TUFM: variants seen among roughly 807,000 people sequenced by gnomAD.
TUFM encodes Tu translation elongation factor, mitochondrial.
TUFM carries 23 observed loss-of-function variants against 45.0 expected under a neutral mutation model. The observed-to-expected ratio is 0.51, with a 90% CI of 0.37 to 0.72. The LOEUF is 0.72. TUFM is among the 30% of genes least tolerant of loss of function. The probability of loss-of-function intolerance (pLI) is 0.00; values close to 1 mark genes in which losing one functional copy is unlikely to be tolerated. For missense variants in TUFM, 490 were observed against 610.7 expected (o/e 0.80, Z 2.08); for synonymous variants, 243 against 252.9 (o/e 0.96, Z 0.37).
Position 28,845,456 on chromosome 16 carries a change from T to A in TUFM, c.272A>T (p.Lys91Met). 1 of 1,614,142 alleles carries A rather than the reference T, an allele frequency of 6.2e-7. No homozygotes were observed. Among genetic ancestry groups the A allele is most frequent in the Non-Finnish European group, 8.5e-7 (1 of 1,180,038 alleles). Residue 91 changes from lysine to methionine, a missense_variant, in exon 3 of 10, where the codon AAG becomes ATG. Lys to Met is a moderately conservative substitution (Grantham distance 95). Transcript: ENST00000313511. ...TKILAEGGGA[K>M]FKKYEEIDNA... ...GTCAATCTCCTCGTACTTCTTGAAC[T>A]TAGCCCCACCTCCCTCAGCTAGAAC...
At position 28,842,653 on chromosome 16, in the gene TUFM, C is replaced by T; in HGVS notation, c.*322G>A. On this transcript the variant is annotated 3_prime_UTR_variant, in exon 10 of 10. Coordinates refer to ENST00000313511, the MANE Select transcript of TUFM (RefSeq NM_003321.5). ...GCATCCTACTGTGTCTAGGCAATCACTAAGCTCACTGGACTTGATTTATCC... is the reference window on the plus strand; with the variant it reads ...GCATCCTACTGTGTCTAGGCAATCATTAAGCTCACTGGACTTGATTTATCC... The T allele has an allele frequency of 2.5e-6, 1 of 403,506 alleles. No individual in the cohort carries two copies. Among genetic ancestry groups the T allele is most frequent in the South Asian group, 2.2e-5 (1 of 45,606 alleles). 25.0% of individuals were successfully genotyped at this position (403,506 alleles called of 1,614,324 possible). A position where few individuals can be genotyped will look rare whatever the true frequency, so the allele number is the denominator to read the frequency against.
In TUFM at chr16:28,846,332, G is replaced by A. The variant is rs1453797469; in HGVS notation, c.-63C>T. 8 of 1,516,938 alleles carry A rather than the reference G, an allele frequency of 5.3e-6. No homozygotes were observed. The highest frequency in any genetic ancestry group is 4.9e-5 in the East Asian group (2 of 40,452). The allele number at this position is 1,516,938 out of a possible 1,614,324, so 94.0% of individuals were successfully genotyped here. A position where few individuals can be genotyped will look rare whatever the true frequency, so the allele number is the denominator to read the frequency against. On this transcript the variant is annotated 5_prime_UTR_variant, in exon 1 of 10. Coordinates refer to ENST00000313511, the MANE Select transcript of TUFM (RefSeq NM_003321.5). ...CCCGAGCGCACAGAAGAAGAAGGGC[G>A]CCTGCGGCTGGAAGGCACTTCCGGC...
At position 28,842,475 on chromosome 16, in the gene TUFM, T is replaced by C. The variant is rs1961827451; in HGVS notation, c.*500A>G. 4.6e-6 allele frequency: 1 copy of C among 218,510 alleles called. No homozygotes were observed. Among genetic ancestry groups the C allele is most frequent in the Non-Finnish European group, 9.3e-6 (1 of 107,706 alleles). The allele number at this position is 218,510 out of a possible 1,614,324, so 13.5% of individuals were successfully genotyped here. A position where few individuals can be genotyped will look rare whatever the true frequency, so the allele number is the denominator to read the frequency against. ...ACCTACAGCATCTGAGGTATGCCTG[T>C]CCAGTCCCTGTTCCCACAGAATGTG... is the stretch of plus-strand genomic sequence containing the variant. On this transcript the variant is annotated 3_prime_UTR_variant, in exon 10 of 10. Coordinates refer to ENST00000313511, the MANE Select transcript of TUFM (RefSeq NM_003321.5).
At position 28,844,550 on chromosome 16, in the gene TUFM, C is replaced by T. The variant is rs550562776; in HGVS notation, c.686G>A (p.Gly229Asp). The T allele has an allele frequency of 5.9e-5, 96 of 1,613,630 alleles. No homozygotes were observed. The South Asian group carries it at 1.0e-3, about 17-fold the overall frequency. Residue 229 changes from glycine (G) to aspartate (D), a missense_variant and splice_region_variant, in exon 6 of 10, where the codon GGT (glycine) becomes GAT (aspartate). Gly to Asp is a moderately conservative substitution (Grantham distance 94). Transcript: ENST00000313511. The surrounding 1 kb of genome is among the most constrained non-coding windows in gnomAD (Gnocchi z 5.8). ...CTTCAGGCCTAACTCAGGGTCCCGACCCTGTTGAGGGGAAGTGCCAGGACT... is the reference window on the plus strand; with the variant it reads ...CTTCAGGCCTAACTCAGGGTCCCGATCCTGTTGAGGGGAAGTGCCAGGACT... Reference protein sequence around the residue: ...IVGSALCALEGRDPELGLKSV... With the variant: ...IVGSALCALEDRDPELGLKSV...
At position 28,844,884 on chromosome 16, in the gene TUFM, G is replaced by A. The variant is rs1189947335; in HGVS notation, c.520-22C>T. The A allele has an allele frequency of 6.2e-7, 1 of 1,614,130 alleles. No individual in the cohort carries two copies. Among genetic ancestry groups the A allele is most frequent in the Admixed American group, 1.7e-5 (1 of 60,002 alleles). The stretch of plus-strand genomic sequence containing the variant: ...CAATCTGTAGATGCCAGAGAGACAG[G>A]GACAATATACAGAGGGGCCCAACTC... On this transcript the variant is annotated intron_variant, in intron 4 of 9. Coordinates refer to ENST00000313511, the MANE Select transcript of TUFM (RefSeq NM_003321.5). The surrounding 1 kb of genome is among the most constrained non-coding windows in gnomAD (Gnocchi z 5.8).
intron 1 of TUFM, 26 bp from the exon 2 acceptor site, chr16:28,846,132 G>C: frequency 6.2e-7 from 1 of 1,612,750 alleles, no homozygotes; most frequent in Non-Finnish European, 8.5e-7. Context: ...CTTGGAGTCA[G>C]GCAGGGAAGG....
In TUFM at chr16:28,842,839, C is replaced by T. The variant is rs1015794203; in HGVS notation, c.*136G>A. On this transcript the variant is annotated 3_prime_UTR_variant, in exon 10 of 10. Coordinates refer to ENST00000313511, the MANE Select transcript of TUFM (RefSeq NM_003321.5). ...TCCCCAGCCAGGCAGGCCAACCCTT[C>T]CGAGCAGGGGAAATGTCCATCTAGC... 29 of 1,205,578 alleles carry T rather than the reference C, an allele frequency of 2.4e-5. No homozygotes were observed. Among genetic ancestry groups the T allele is most frequent in the Non-Finnish European group, 3.5e-5 (29 of 819,108 alleles). The allele number at this position is 1,205,578 out of a possible 1,614,324, so 74.7% of individuals were successfully genotyped here.
intron 2 of TUFM, 93 bp from the exon 3 acceptor site, chr16:28,845,573 T>C (rs1384052687): frequency 6.9e-7 from 1 of 1,448,068 alleles, no homozygotes. Context: ...CCTAAATACA[T>C]AACCTCCTCC....
At position 28,844,248 on chromosome 16, in the gene TUFM, T is replaced by G; in HGVS notation, c.904A>C (p.Ile302Leu). The change falls in exon 7 of 10, where the codon ATC becomes CTC. Residue 302 changes from isoleucine (I) to leucine (L), a missense_variant. Transcript: ENST00000313511. This position sits in a 1 kb window ranked among gnomAD's most constrained non-coding sequence, Gnocchi z 5.8. ...ECELLGHSKN[I>L]RTVVTGIEMF... is the part of the protein sequence containing the mutation. ...CCCAAACCTGTCACCACAGTGCGGA[T>G]GTTCTTGCTATGTCCTAGGAGCTCA... 1 of 1,614,124 alleles carries G rather than the reference T, an allele frequency of 6.2e-7. No individual in the cohort carries two copies. Among genetic ancestry groups the G allele is most frequent in the African/African-American group, 1.3e-5 (1 of 75,034 alleles).
Position 28,842,894 on chromosome 16 carries a change from T to G in TUFM, c.*81A>C. 266 of 1,561,982 alleles carry G rather than the reference T, an allele frequency of 1.7e-4. No individual in the cohort carries two copies. Among genetic ancestry groups the G allele is most frequent in the Non-Finnish European group, 2.2e-4 (246 of 1,135,562 alleles). On this transcript the variant is annotated 3_prime_UTR_variant, in exon 10 of 10. Transcript: ENST00000313511. ...CTCTGCTGGGTTGCAGCCTATGCCA[T>G]GAGAGGGTACTGGAAGCAGGAGGGA...
In TUFM at chr16:28,846,327, A is replaced by C; in HGVS notation, c.-58T>G. The C allele has an allele frequency of 6.6e-7, 1 of 1,525,864 alleles. No homozygotes were observed. Among genetic ancestry groups the C allele is most frequent in the Middle Eastern group, 1.9e-4 (1 of 5,328 alleles). 94.5% of individuals were successfully genotyped at this position (1,525,864 alleles called of 1,614,324 possible). On this transcript the variant is annotated 5_prime_UTR_variant, in exon 1 of 10. Transcript: ENST00000313511. ...AGGAGCCCGAGCGCACAGAAGAAGA[A>C]GGGCGCCTGCGGCTGGAAGGCACTT...
chr16:28,846,253 G>T lies in TUFM; in HGVS notation c.17C>A (p.Ala6Asp). The change falls in exon 1 of 10, where the codon GCC becomes GAC. Residue 6 changes from alanine to aspartate, a missense_variant. Coordinates refer to ENST00000313511, the MANE Select transcript of TUFM (RefSeq NM_003321.5). The part of the protein sequence containing the change: MTTMA[A>D]ATLLRATPHF... ...GGGCGTCGCGCGCAGCAGGGTGGCG[G>T]CCGCCATTGTGGTCATACTCGCGCC... 1 of 1,563,906 alleles carries T rather than the reference G, an allele frequency of 6.4e-7. No homozygotes were observed. The highest frequency in any genetic ancestry group is 1.9e-5 in the Admixed American group (1 of 52,320).
chr16:28,843,252 G>A, intron 9 of TUFM, 104 bp from the exon 10 acceptor site: 1 of 1,238,666 alleles, frequency 8.1e-7, no homozygotes. Flanking sequence ...GAATGCAGCA[G>A]GGGAATGGTT....
Position 28,844,204 on chromosome 16 carries a change from CTG to C in TUFM, c.922+24_922+25del. 1 of 1,613,738 alleles carries C rather than the reference CTG, an allele frequency of 6.2e-7. No homozygotes were observed. The highest frequency in any genetic ancestry group is 1.1e-5 in the South Asian group (1 of 91,080). On this transcript the variant is annotated intron_variant, in intron 7 of 9. Transcript: ENST00000313511. The surrounding 1 kb of genome is among the most constrained non-coding windows in gnomAD (Gnocchi z 5.8). The stretch of plus-strand genomic sequence containing the variant: ...GGTAAGGCCACCCTTCAGCCAGGCC[CTG>C]CTCTCCAGACTGGCTTCCCAAACCT...
chr16:28,843,561 G>GC (rs1961853825), intron 9 of TUFM, among the ~76,000 whole-genome samples, 175 bp downstream of exon 9: 1 of 152,096 alleles, frequency 6.6e-6, no homozygotes, highest in African/African-American at 2.4e-5. Flanking sequence ...GAGGACTCCC[G>GC]CCCCTAAGTC....
Position 28,845,424 on chromosome 16 carries a change from G to C in TUFM, c.304C>G (p.Pro102Ala). 2 of 1,614,058 alleles carry C rather than the reference G, an allele frequency of 1.2e-6. No individual in the cohort carries two copies. The highest frequency in any genetic ancestry group is 1.7e-6 in the Non-Finnish European group (2 of 1,180,004). Reference protein sequence around the residue: ...FKKYEEIDNAPEERARGITIN... With the variant: ...FKKYEEIDNAAEERARGITIN... ...GTGATACCCCGAGCTCGCTCCTCCGGGGCATTGTCAATCTCCTCGTACTTC... is the reference window on the plus strand; with the variant it reads ...GTGATACCCCGAGCTCGCTCCTCCGCGGCATTGTCAATCTCCTCGTACTTC... The change falls in exon 3 of 10, where the codon CCG becomes GCG. Residue 102 changes from proline (P) to alanine (A), a missense_variant. Transcript: ENST00000313511.
chr16:28,844,594 T>C lies in TUFM; in HGVS notation c.685-43A>G, dbSNP rs758340458. 4.3e-6 allele frequency: 7 copies of C among 1,613,098 alleles called. No homozygotes were observed. Among genetic ancestry groups the C allele is most frequent in the Non-Finnish European group, 5.9e-6 (7 of 1,180,004 alleles). ...CAGGACTCTGAAATCCCCATTCTAC[T>C]TCCCTCGATTATCAAGAGCCACTTC... On this transcript the variant is annotated intron_variant, in intron 5 of 9. Coordinates refer to ENST00000313511, the MANE Select transcript of TUFM (RefSeq NM_003321.5). This position sits in a 1 kb window ranked among gnomAD's most constrained non-coding sequence, Gnocchi z 5.8.
rs114590091 is a variant in TUFM, at chr16:28,843,810, C to T, written c.1120G>A (p.Val374Met). The T allele has an allele frequency of 1.5e-4, 237 of 1,614,130 alleles. No homozygotes were observed. The African/African-American group carries it at 2.3e-3, about 15-fold the overall frequency. Residue 374 changes from valine (V) to methionine (M), a missense_variant, in exon 9 of 10, where the codon GTG becomes ATG. Physicochemically the swap from Val to Met is conservative, Grantham distance 21. Transcript: ENST00000313511. ...AACATGACAGGCATGAAGTGGGACA[C>T]AAAGGGCTTGTGGCGGCCACCTTCC... ...KEEGGRHKPF[V>M]SHFMPVMFSL...
intron 3 of TUFM, 21 bp from the exon 4 acceptor site, chr16:28,845,076 A>G (rs1013540174): frequency 1.2e-6 from 2 of 1,613,250 alleles, no homozygotes; most frequent in Admixed American, 1.7e-5. Flanking sequence ...GAAGGAAAGG[A>G]AACAGCCAAG....
Sources: allele counts gnomAD v4.1 joint callset (sites outside exome capture counted in the v4.1 genomes callset), GRCh38; gene constraint gnomAD v4.1.1; non-coding constraint Gnocchi (gnomAD v3.1); transcripts MANE v1.5; gene names NCBI Gene and HGNC (gene_info 2026-07-23, HGNC 2026-07-21).